The following UBAC2 variants were observed in gnomAD, a reference collection of about 807,000 sequenced individuals.
UBAC2 encodes UBA domain containing 2.
UBAC2 carries 26 observed loss-of-function variants against 44.0 expected under a neutral mutation model. The observed-to-expected ratio is 0.59, with a 90% CI of 0.43 to 0.82. The LOEUF is 0.82. Ranked by LOEUF, UBAC2 falls within the 40% of genes least tolerant of loss-of-function variation. The probability of loss-of-function intolerance (pLI) is 0.00; values close to 1 mark genes in which losing one functional copy is unlikely to be tolerated. For missense variants in UBAC2, 329 were observed against 419.4 expected, an observed-to-expected ratio of 0.78 and a Z score of 1.88; for synonymous variants, 155 against 154.3, an observed-to-expected ratio of 1.00 and a Z score of -0.04.
intron 6 of UBAC2, among the ~76,000 whole-genome samples, chr13:99,327,852 T>G (rs1469718060): frequency 6.6e-6 from 1 of 152,208 alleles, no homozygotes; most frequent in Non-Finnish European, 1.5e-5. Context: ...TTTTTGTTTA[T>G]TAAGATGTTA....
intron 8 of UBAC2, among the ~76,000 whole-genome samples, chr13:99,373,608 G>A (rs527584161): frequency 2.0e-5 from 3 of 152,330 alleles, no homozygotes; most frequent in African/African-American, 4.8e-5. Flanking sequence ...GGAAGTGTTC[G>A]GGTGCTGCTG....
intron 7 of UBAC2, among the ~76,000 whole-genome samples, chr13:99,363,144 A>G (rs1277955570): frequency 6.6e-6 from 1 of 152,188 alleles, no homozygotes; most frequent in Non-Finnish European, 1.5e-5. Context: ...CGGGCTCATA[A>G]CCAAGTGCCC....
At chr13:99,342,349 G>T (rs1233604759) in intron 7 of UBAC2, among the ~76,000 whole-genome samples, 4 of 152,118 alleles carry the variant, frequency 2.6e-5, no homozygotes, top group Non-Finnish European at 4.4e-5. Flanking sequence ...ACATCGTAGG[G>T]TTAGGGCTTC....
chr13:99,358,720 G>A (rs1015924349), intron 7 of UBAC2, among the ~76,000 whole-genome samples: 11 of 152,208 alleles, frequency 7.2e-5, no homozygotes, highest in Admixed American at 2.6e-4. Flanking sequence ...GTGAGAGTGA[G>A]GGTGGAGACA....
chr13:99,377,960 A>G (rs1307867451), intron 8 of UBAC2, among the ~76,000 whole-genome samples: 3 of 152,240 alleles, frequency 2.0e-5, no homozygotes, highest in East Asian at 3.8e-4. Context: ...CTAAGACAGC[A>G]TGCAGCTTCC....
chr13:99,236,360 C>T (rs1399230928), intron 1 of UBAC2, among the ~76,000 whole-genome samples: 1 of 152,156 alleles, frequency 6.6e-6, no homozygotes, highest in African/African-American at 2.4e-5. Flanking sequence ...TCAAACAACT[C>T]AATAGCAAAA....
intron 7 of UBAC2, among the ~76,000 whole-genome samples, chr13:99,361,577 C>T (rs1260403085): frequency 6.6e-6 from 1 of 152,176 alleles, no homozygotes; most frequent in East Asian, 1.9e-4. Context: ...ATCTTTACTA[C>T]ATACATACTT....
Position 99,298,422 on chromosome 13 carries a change from T to G in UBAC2, c.390-15675T>G, listed in dbSNP as rs1486222546. On this transcript the variant is annotated intron_variant, in intron 4 of 8. Coordinates refer to ENST00000403766, the MANE Select transcript of UBAC2 (RefSeq NM_001144072.2). ...TCATGGGTTAAAGAAGAAATCACAG[T>G]GGAAATTTCGAAATGCTTAGAACTA... 3.3e-5 allele frequency among the ~76,000 whole-genome samples: 5 copies of G among 152,050 alleles called. No individual in the cohort carries two copies. In the East Asian group the frequency reaches 9.6e-4, roughly 29 times the overall value.
chr13:99,295,395 C>T lies in UBAC2; in HGVS notation c.390-18702C>T, dbSNP rs201755595. On this transcript the variant is annotated intron_variant, in intron 4 of 8. Transcript: ENST00000403766. The surrounding 1 kb of genome is among the most constrained non-coding windows in gnomAD (Gnocchi z 4.1). ...GGTGTGAAACAGAGAACAAACACAA[C>T]AATAATAAGAATAATTGTGTTGAGA... The T allele has an allele frequency of 8.2e-5, 133 of 1,613,900 alleles. No individual in the cohort carries two copies. The highest frequency in any genetic ancestry group is 1.0e-4 in the Non-Finnish European group (118 of 1,179,992).
At chr13:99,293,109 T>C (rs2044114699) in intron 4 of UBAC2, among the ~76,000 whole-genome samples, 1 of 152,160 alleles carries the variant, frequency 6.6e-6, no homozygotes. Context: ...TAAGAAAACA[T>C]TAATTGGAGA....
chr13:99,236,834 A>C (rs2043239032), intron 1 of UBAC2, among the ~76,000 whole-genome samples: 1 of 152,140 alleles, frequency 6.6e-6, no homozygotes, highest in South Asian at 2.1e-4. Context: ...TGGGCGAAAG[A>C]GCAAAACTCT....
chr13:99,272,138 C>T (rs1477550358), intron 4 of UBAC2, among the ~76,000 whole-genome samples: 5 of 152,178 alleles, frequency 3.3e-5, no homozygotes, highest in Admixed American at 2.6e-4. Flanking sequence ...TGCTTAAGGT[C>T]ACCTCTTTTA....
intron 4 of UBAC2, chr13:99,256,197 G>A (rs2043553093): frequency 1.1e-5 from 2 of 187,290 alleles, no homozygotes; most frequent in African/African-American, 4.7e-5. Context: ...TTGATGAGAT[G>A]ATTCACAGCA....
chr13:99,348,346 AC>A (rs985898614), intron 7 of UBAC2, among the ~76,000 whole-genome samples: 9 of 152,146 alleles, frequency 5.9e-5, no homozygotes, highest in African/African-American at 2.2e-4. Context: ...AGAAAAAAGA[AC>A]CCTGAGCCTA....
chr13:99,374,319 G>T (rs2045450575), intron 8 of UBAC2, among the ~76,000 whole-genome samples: 1 of 152,066 alleles, frequency 6.6e-6, no homozygotes, highest in Non-Finnish European at 1.5e-5. Flanking sequence ...TTCTTGTTTT[G>T]GGATCTGTCT....
intron 4 of UBAC2, among the ~76,000 whole-genome samples, chr13:99,293,349 A>G (rs1214394764): frequency 6.6e-6 from 1 of 152,136 alleles, no homozygotes. Context: ...GTGTTGGCTC[A>G]TACATCCCAG....
chr13:99,204,832 CG>C (rs2042848580), intron 1 of UBAC2, among the ~76,000 whole-genome samples: 2 of 149,892 alleles, frequency 1.3e-5, no homozygotes, highest in South Asian at 4.2e-4. Flanking sequence ...TTCAAGATCT[CG>C]GTTCTGAGAA....
intron 4 of UBAC2, among the ~76,000 whole-genome samples, chr13:99,301,893 C>T (rs1164423692): frequency 1.3e-5 from 2 of 152,098 alleles, no homozygotes; most frequent in Non-Finnish European, 2.9e-5. Context: ...GAAATGTCAC[C>T]TTTGCCCTCT....
chr13:99,300,959 A>G (rs1243059159), intron 4 of UBAC2, among the ~76,000 whole-genome samples: 3 of 150,836 alleles, frequency 2.0e-5, no homozygotes, highest in Non-Finnish European at 3.0e-5. Context: ...ATTAGGCAGC[A>G]GCTTCTGACA....
Sources: gnomAD v4.1 joint callset for allele counts (sites outside exome capture counted in the v4.1 genomes callset) on GRCh38, gnomAD v4.1.1 for gene constraint, Gnocchi (gnomAD v3.1) non-coding constraint, MANE v1.5 for transcripts, NCBI Gene and HGNC (gene_info 2026-07-23, HGNC 2026-07-21) for gene names.